Variants in PMPCB observed in about 807,000 individuals in gnomAD.
The protein encoded by PMPCB is mitochondrial-processing peptidase subunit beta.
PMPCB carries 46 observed loss-of-function variants against 61.5 expected under a neutral mutation model. The ratio of observed to expected loss-of-function variants is 0.75; its 90% CI spans 0.59 to 0.96. PMPCB has a LOEUF of 0.96. Among genes scored for constraint, PMPCB ranks in the 40% least tolerant of loss-of-function variants. PMPCB has a pLI of 0.00. For missense variants in PMPCB, 590 were observed against 602.4 expected (o/e 0.98, Z 0.22); for synonymous variants, 191 against 201.6 (o/e 0.95, Z 0.44).
intron 3 of PMPCB, 153 bp downstream of exon 3, chr7:103,299,682 C>T (rs1054457486): frequency 1.9e-6 from 1 of 530,384 alleles, no homozygotes; most frequent in African/African-American, 1.9e-5. Flanking sequence ...GTGATAATTG[C>T]TTTGTAAAGC....
chr7:103,344,680 T>C, the PMPCB span: 2 of 1,569,130 alleles, frequency 1.3e-6, no homozygotes, highest in Non-Finnish European at 1.7e-6. Flanking sequence ...CGGAGGGCGC[T>C]TAGGGTCCCC....
At chr7:103,325,998 A>C (rs1182899190) in intron 12 of PMPCB, among the ~76,000 whole-genome samples, 1 of 152,018 alleles carries the variant, frequency 6.6e-6, no homozygotes, top group African/African-American at 2.4e-5. Flanking sequence ...CTCAAAGCAA[A>C]ATTTTTTTTT....
intron 3 of PMPCB, 92 bp from the exon 4 acceptor site, chr7:103,300,086 C>A: frequency 8.0e-7 from 1 of 1,255,028 alleles, no homozygotes; most frequent in Admixed American, 2.2e-5. Flanking sequence ...CTGCATGAAA[C>A]TAACTTATGT....
In PMPCB at chr7:103,310,535, T is replaced by A. The variant is rs1370592312; in HGVS notation, c.1154+60T>A. 5 of 1,336,016 alleles carry A rather than the reference T, an allele frequency of 3.7e-6. No homozygotes were observed. The African/African-American group carries it at 7.4e-5, about 20-fold the overall frequency. 82.8% of individuals were successfully genotyped at this position (1,336,016 alleles called of 1,614,324 possible). A position where few individuals can be genotyped will look rare whatever the true frequency, so the allele number is the denominator to read the frequency against. The stretch of plus-strand genomic sequence containing the variant: ...CCTTTAATTCGTTTTAAACTAGTTT[T>A]TTATTTATACTTTATGGTGATTTAT... On this transcript the variant is annotated intron_variant, in intron 9 of 12. Transcript: ENST00000249269.
In PMPCB at chr7:103,297,572, C is replaced by A. The variant is rs1817319079; in HGVS notation, c.99+14C>A. The A allele has an allele frequency of 6.2e-7, 1 of 1,612,196 alleles. No homozygotes were observed. On this transcript the variant is annotated intron_variant, in intron 1 of 12. Transcript: ENST00000249269. ...GCTGCGGGACGGGTGAGCTTCCCTC[C>A]AGGCCGGTCCTGTCCTCGAGATCTC...
chr7:103,305,607 GTTCT>G (rs1817554698), intron 6 of PMPCB, among the ~76,000 whole-genome samples: 1 of 152,224 alleles, frequency 6.6e-6, no homozygotes, highest in East Asian at 1.9e-4. Context: ...AAAGCGAAGT[GTTCT>G]TTCGTGTTGT....
At chr7:103,317,020 C>A (rs1211600179), downstream of PMPCB, 4 of 1,611,084 alleles carry the variant, frequency 2.5e-6, no homozygotes, top group South Asian at 4.4e-5. Context: ...TCTATCTGCA[C>A]AAATATCATA....
Position 103,313,242 on chromosome 7 carries a change from C to T in PMPCB, c.*971C>T. On this transcript the variant is annotated 3_prime_UTR_variant, in exon 13 of 13. Transcript: ENST00000249269. ...AATAAACTTGTAGAGATGAGAGATA[C>T]ATATAGCCCTCTGAGTGTTAATAAG... 7.1e-7 allele frequency: 1 copy of T among 1,411,808 alleles called. No individual in the cohort carries two copies. The highest frequency in any genetic ancestry group is 9.2e-7 in the Non-Finnish European group (1 of 1,086,176). 87.5% of individuals were successfully genotyped at this position (1,411,808 alleles called of 1,614,324 possible).
the PMPCB span, among the ~76,000 whole-genome samples, chr7:103,340,367 A>T: frequency 6.6e-6 from 1 of 152,146 alleles, no homozygotes; most frequent in African/African-American, 2.4e-5. Flanking sequence ...GAATCAGCTA[A>T]CACTTTCTGA....
chr7:103,328,600 C>T (rs1818832627), intron 12 of PMPCB, among the ~76,000 whole-genome samples: 1 of 152,036 alleles, frequency 6.6e-6, no homozygotes, highest in African/African-American at 2.4e-5. Context: ...CACTGCATTC[C>T]AGCCTGGGTG....
At chr7:103,338,663 G>T in the PMPCB span, among the ~76,000 whole-genome samples, 3 of 151,990 alleles carry the variant, frequency 2.0e-5, no homozygotes, top group Non-Finnish European at 2.9e-5. Flanking sequence ...TGTAATCCCA[G>T]TGCTTTGGGA....
At chr7:103,329,873 C>T (rs1194016908), downstream of PMPCB, among the ~76,000 whole-genome samples, 7 of 152,170 alleles carry the variant, frequency 4.6e-5, no homozygotes, top group East Asian at 1.2e-3. Context: ...ATATTATCTA[C>T]AAATAATATA....
the PMPCB span, among the ~76,000 whole-genome samples, chr7:103,339,499 C>G: frequency 6.6e-6 from 1 of 152,158 alleles, no homozygotes; most frequent in African/African-American, 2.4e-5. Flanking sequence ...TACTTCATCA[C>G]TTCCTAATCA....
chr7:103,321,898 TA>T, intron 12 of PMPCB: 1 of 1,569,950 alleles, frequency 6.4e-7, no homozygotes, highest in Non-Finnish European at 8.6e-7. Context: ...CAACTTGATT[TA>T]CTTGTGCCTA....
At chr7:103,324,004 C>A (rs1438136136) in intron 12 of PMPCB, among the ~76,000 whole-genome samples, 1 of 152,128 alleles carries the variant, frequency 6.6e-6, no homozygotes, top group Non-Finnish European at 1.5e-5. Flanking sequence ...CAGTTTGTAT[C>A]CTCTGAAGGT....
At chr7:103,315,713 C>T (rs1275508588), downstream of PMPCB, 14 of 1,239,604 alleles carry the variant, frequency 1.1e-5, no homozygotes, top group Non-Finnish European at 1.7e-5. Flanking sequence ...TACGTCCAAG[C>T]AGCACAGATA....
chr7:103,328,821 C>T (rs1818844420), intron 12 of PMPCB: 1 of 296,780 alleles, frequency 3.4e-6, no homozygotes, highest in Non-Finnish European at 6.4e-6. Context: ...AGGCATTTCT[C>T]TACTGTTGGA....
At chr7:103,330,941 T>C (rs1818944703), downstream of PMPCB, among the ~76,000 whole-genome samples, 1 of 151,956 alleles carries the variant, frequency 6.6e-6, no homozygotes. Context: ...GATTATTTTG[T>C]TCATAATACA....
At chr7:103,332,699 G>A (rs1819024067), downstream of PMPCB, among the ~76,000 whole-genome samples, 1 of 151,766 alleles carries the variant, frequency 6.6e-6, no homozygotes, top group Admixed American at 6.6e-5. Flanking sequence ...GTGTGATCAC[G>A]GCTCACTGCA....
Sources: allele counts gnomAD v4.1 joint callset (sites outside exome capture counted in the v4.1 genomes callset), GRCh38; gene constraint gnomAD v4.1.1; transcripts MANE v1.5; gene names NCBI Gene and HGNC (gene_info 2026-07-23, HGNC 2026-07-21).